Variants in NLGN4Y observed in about 807,000 individuals in gnomAD.
NLGN4Y encodes the protein neuroligin-4, Y-linked.
In NLGN4Y, 4 loss-of-function variants were observed where a neutral mutation model predicts 8.4. That is an observed-to-expected ratio of 0.48 (90% CI 0.23 to 1.09). NLGN4Y has a LOEUF of 1.09. Among genes scored for constraint, NLGN4Y ranks in the 50% least tolerant of loss-of-function variants. The pLI is 0.19. For missense variants in NLGN4Y, 90 were observed against 192.3 expected (o/e 0.47, Z 3.15); for synonymous variants, 35 against 75.6 (o/e 0.46, Z 2.78).
At chrY:14,751,982 C>T (rs774598829) in intron 4 of NLGN4Y, among the ~76,000 whole-genome samples, 3 of 33,179 alleles carry the variant, frequency 9.0e-5, no homozygotes, top group African/African-American at 3.5e-4. Context: ...TCTTAGTTTA[C>T]ACACTTTACC....
At chrY:14,756,719 C>G in intron 4 of NLGN4Y, among the ~76,000 whole-genome samples, 3 of 25,823 alleles carry the variant, frequency 1.2e-4, no homozygotes, top group Non-Finnish European at 2.6e-4. Flanking sequence ...CACTCCATCC[C>G]AGGTGACAAC....
intron 4 of NLGN4Y, among the ~76,000 whole-genome samples, chrY:14,761,017 G>A (rs2081078442): frequency 3.0e-5 from 1 of 33,177 alleles, no homozygotes; most frequent in African/African-American, 1.2e-4. Flanking sequence ...CATATTGGGA[G>A]GACTCCTGCT....
At chrY:14,682,653 T>C in intron 2 of NLGN4Y, among the ~76,000 whole-genome samples, 1 of 33,274 alleles carries the variant, frequency 3.0e-5, no homozygotes, top group African/African-American at 1.2e-4. Flanking sequence ...GATTAAAAAA[T>C]GAGATTAATC....
intron 4 of NLGN4Y, among the ~76,000 whole-genome samples, chrY:14,787,405 C>T: frequency 3.0e-5 from 1 of 32,812 alleles, no homozygotes; most frequent in Non-Finnish European, 7.4e-5. Flanking sequence ...TTCTGAATGT[C>T]AGTGCTAGAG....
intron 1 of NLGN4Y, among the ~76,000 whole-genome samples, chrY:14,586,376 G>A (rs929226213): frequency 3.0e-5 from 1 of 33,079 alleles, no homozygotes; most frequent in Admixed American, 2.8e-4. Flanking sequence ...TAGCAAATAG[G>A]ATCTGTGATA....
chrY:14,661,195 G>C, intron 2 of NLGN4Y, among the ~76,000 whole-genome samples: 1 of 33,812 alleles, frequency 3.0e-5, no homozygotes, highest in Non-Finnish European at 7.3e-5. Context: ...TTGCAGCAAC[G>C]TGCATGTGGC....
intron 2 of NLGN4Y, among the ~76,000 whole-genome samples, chrY:14,673,670 C>A: frequency 3.0e-5 from 1 of 33,437 alleles, no homozygotes; most frequent in South Asian, 6.8e-4. Context: ...CCAGCCATCC[C>A]ATTACTGGGT....
In NLGN4Y at chrY:14,842,415, A is replaced by G. The variant is rs769846734; in HGVS notation, c.*1153A>G. 1 of 122,123 alleles carries G rather than the reference A, an allele frequency of 8.2e-6. No individual in the cohort carries two copies. Among genetic ancestry groups the G allele is most frequent in the South Asian group, 3.9e-5 (1 of 25,726 alleles). The allele number at this position is 122,123 out of a possible 400,897, so 30.5% of individuals were successfully genotyped here. A position where few individuals can be genotyped will look rare whatever the true frequency, so the allele number is the denominator to read the frequency against. Reference sequence around the variant, plus strand: ...CTATTTCAGGACCCTGCCAAAAAAGAAGAAAGCTTGCCTTTGGTGGGGCTA... The same window carrying G: ...CTATTTCAGGACCCTGCCAAAAAAGGAGAAAGCTTGCCTTTGGTGGGGCTA... On this transcript the variant is annotated 3_prime_UTR_variant, in exon 7 of 7. Coordinates refer to ENST00000684976, the MANE Select transcript of NLGN4Y (RefSeq NM_001365588.1).
intron 4 of NLGN4Y, among the ~76,000 whole-genome samples, chrY:14,784,486 C>T: frequency 3.1e-5 from 1 of 32,602 alleles, no homozygotes; most frequent in South Asian, 7.0e-4. Flanking sequence ...CGGTGAAACC[C>T]CGTCTCTACT....
rs746407354 is a variant in NLGN4Y at position 14,588,415 on chromosome Y, T to C, written c.-111-33594T>C. On this transcript the variant is annotated intron_variant, in intron 1 of 6. Coordinates refer to ENST00000684976, the MANE Select transcript of NLGN4Y (RefSeq NM_001365588.1). ...AAAACCATCAGATCTTGTGACCTCATAGTTCACATGAGAACATGACAATGA... is the reference window on the plus strand; with the variant it reads ...AAAACCATCAGATCTTGTGACCTCACAGTTCACATGAGAACATGACAATGA... 2.1e-4 allele frequency among the ~76,000 whole-genome samples: 7 copies of C among 33,010 alleles called. No individual in the cohort carries two copies. In the East Asian group the frequency reaches 5.7e-3, roughly 27 times the overall value. 88.6% of individuals were successfully genotyped at this position (33,010 alleles called of 37,273 possible).
intron 4 of NLGN4Y, among the ~76,000 whole-genome samples, chrY:14,725,053 T>C (rs2080951512): frequency 3.0e-5 from 1 of 33,682 alleles, no homozygotes; most frequent in Non-Finnish European, 7.3e-5. Flanking sequence ...TGTCTTCAAA[T>C]AGATCACATT....
chrY:14,622,522 T>C lies in NLGN4Y; in HGVS notation c.403T>C (p.Leu135=), dbSNP rs2080514637. The C allele has an allele frequency of 2.5e-6, 1 of 397,599 alleles. No homozygotes were observed. The highest frequency in any genetic ancestry group is 6.3e-5 in the African/African-American group (1 of 15,873). ...PIWFTTSLDT[L]MTYVQDQNED... is the part of the protein sequence containing the mutation. ...CTGGTTTACCACCAGTTTGGATACT[T>C]TGATGACCTATGTTCAAGATCAAAA... Residue 135 remains leucine (L), a synonymous_variant, in exon 2 of 7, where the codon TTG becomes CTG. Coordinates refer to ENST00000684976, the MANE Select transcript of NLGN4Y (RefSeq NM_001365588.1).
intron 2 of NLGN4Y, among the ~76,000 whole-genome samples, chrY:14,647,106 T>G: frequency 2.9e-5 from 1 of 34,236 alleles, no homozygotes; most frequent in Admixed American, 2.6e-4. Flanking sequence ...GGCCTCTACA[T>G]TATCTTGGTA....
chrY:14,615,850 T>C, intron 1 of NLGN4Y, among the ~76,000 whole-genome samples: 1 of 33,683 alleles, frequency 3.0e-5, no homozygotes, highest in Admixed American at 2.7e-4. Context: ...AGTTTGCCAG[T>C]ATTTTACTGA....
intron 5 of NLGN4Y, among the ~76,000 whole-genome samples, chrY:14,829,390 T>C: frequency 2.4e-4 from 8 of 33,594 alleles, no homozygotes; most frequent in African/African-American, 8.2e-4. Context: ...TGCATTTTTA[T>C]GTATGGCATC....
intron 2 of NLGN4Y, among the ~76,000 whole-genome samples, chrY:14,716,345 TCAA>T (rs2080915487): frequency 6.0e-5 from 2 of 33,408 alleles, no homozygotes; most frequent in Admixed American, 2.7e-4. Flanking sequence ...CAATTTATAG[TCAA>T]CAAGTTTTTT....
At chrY:14,598,635 A>G in intron 1 of NLGN4Y, among the ~76,000 whole-genome samples, 1 of 32,061 alleles carries the variant, frequency 3.1e-5, no homozygotes, top group East Asian at 8.4e-4. Context: ...CAGCCCAGAA[A>G]AGGGCTCCCA....
intron 5 of NLGN4Y, among the ~76,000 whole-genome samples, chrY:14,824,592 A>G: frequency 2.9e-5 from 1 of 33,996 alleles, no homozygotes; most frequent in African/African-American, 1.1e-4. Context: ...AGGCATGATC[A>G]TAGCTCATTG....
intron 4 of NLGN4Y, among the ~76,000 whole-genome samples, chrY:14,744,394 C>A: frequency 3.0e-5 from 1 of 33,654 alleles, no homozygotes; most frequent in South Asian, 6.6e-4. Context: ...TCCTCAATAA[C>A]CCCTCAAACA....
Sources: gnomAD v4.1 joint callset for allele counts (sites outside exome capture counted in the v4.1 genomes callset) on GRCh38, gnomAD v4.1.1 for gene constraint, MANE v1.5 for transcripts, NCBI Gene and HGNC (gene_info 2026-07-23, HGNC 2026-07-21) for gene names.